Variants in BABAM2 observed in about 807,000 individuals in gnomAD.
BABAM2 encodes the protein BRISC and BRCA1-A complex member 2.
A neutral mutation model predicts 54.7 loss-of-function variants in BABAM2; 31 were observed. The ratio of observed to expected loss-of-function variants is 0.57; its 90% confidence interval spans 0.43 to 0.77. BABAM2 has a LOEUF of 0.77. Ranked by LOEUF, BABAM2 falls within the 30% of genes least tolerant of loss-of-function variation. The pLI is 0.00. For synonymous variants in BABAM2, 167 were observed against 162.9 expected, an observed-to-expected ratio of 1.03 and a Z score of -0.19; for missense variants, 364 against 455.8, an observed-to-expected ratio of 0.80 and a Z score of 1.83.
rs569030290 is a variant in BABAM2 at position 28,138,005 on chromosome 2, G to T, written c.680+8625G>T. Among the ~76,000 whole-genome samples the T allele has an allele frequency of 1.8e-4, 28 of 152,026 alleles. No individual in the cohort carries two copies. In the East Asian group the frequency reaches 5.2e-3, roughly 28 times the overall value. ...AGGGTTTTGTGCAGATTTTTTTTCTGCCGTGAAGATGAGAAATTCATGATT... is the reference window on the plus strand; with the variant it reads ...AGGGTTTTGTGCAGATTTTTTTTCTTCCGTGAAGATGAGAAATTCATGATT... On this transcript the variant is annotated intron_variant, in intron 7 of 11. Transcript: ENST00000379624.
intron 7 of BABAM2, among the ~76,000 whole-genome samples, chr2:28,153,047 C>T (rs1284711087): frequency 1.3e-5 from 2 of 152,154 alleles, no homozygotes; most frequent in African/African-American, 4.8e-5. Flanking sequence ...ATCACTTGAG[C>T]AGTTTTATGT....
chr2:28,078,328 T>C lies in BABAM2; in HGVS notation c.570+32529T>C, dbSNP rs147774118. On this transcript the variant is annotated intron_variant, in intron 6 of 11. Transcript: ENST00000379624. ...AATGCTTGAATTAAGTTGACCCTTA[T>C]TTTACTTAATTATGGCCCCAAAGTG... Among the ~76,000 whole-genome samples, 384 of 129,056 alleles carry C rather than the reference T, an allele frequency of 3.0e-3. 4 individuals carry two copies. Among genetic ancestry groups the C allele is most frequent in the African/African-American group, 9.9e-3 (371 of 37,454 alleles). 84.7% of individuals were successfully genotyped at this position (129,056 alleles called of 152,430 possible). A position where few individuals can be genotyped will look rare whatever the true frequency, so the allele number is the denominator to read the frequency against.
intron 7 of BABAM2, among the ~76,000 whole-genome samples, chr2:28,201,993 C>T (rs188397149): frequency 5.5e-4 from 83 of 152,188 alleles, no homozygotes; most frequent in Admixed American, 5.3e-3. Flanking sequence ...CCCAGTTGGC[C>T]AGGGGAACAA....
At chr2:28,053,247 AT>A (rs993392651) in intron 6 of BABAM2, among the ~76,000 whole-genome samples, 1 of 152,174 alleles carries the variant, frequency 6.6e-6, no homozygotes, top group African/African-American at 2.4e-5. Context: ...AGTTCAGGGA[AT>A]TTTTTTGAAA....
rs914301426 is a variant in BABAM2 at position 27,939,829 on chromosome 2, A to C, written c.205+9921A>C. On this transcript the variant is annotated intron_variant, in intron 3 of 11. Transcript: ENST00000379624. ...ACTGCAGTTAATGAGAATGAGAATG[A>C]GAGATGAGAGAGGGCGTATTTCTAC... 2.6e-5 allele frequency among the ~76,000 whole-genome samples: 4 copies of C among 152,230 alleles called. No individual in the cohort carries two copies. In the South Asian group the frequency reaches 8.3e-4, roughly 31 times the overall value.
intron 7 of BABAM2, among the ~76,000 whole-genome samples, chr2:28,132,539 A>G (rs537437947): frequency 6.9e-4 from 105 of 152,256 alleles, no homozygotes; most frequent in African/African-American, 2.5e-3. Context: ...AGACCTGAGC[A>G]CTTGAAGTTT....
intron 4 of BABAM2, among the ~76,000 whole-genome samples, chr2:27,997,438 T>G (rs1390519205): frequency 1.3e-5 from 2 of 152,228 alleles, no homozygotes; most frequent in Non-Finnish European, 2.9e-5. Flanking sequence ...AAAGTTGATG[T>G]TATTTTTTAA....
chr2:28,275,452 G>T (rs1685797680), intron 10 of BABAM2, among the ~76,000 whole-genome samples: 1 of 152,174 alleles, frequency 6.6e-6, no homozygotes, highest in South Asian at 2.1e-4. Flanking sequence ...GCCTAACTGG[G>T]ATAGGCCTGG....
chr2:28,171,114 T>TAG (rs763833594), intron 7 of BABAM2, among the ~76,000 whole-genome samples: 2 of 150,292 alleles, frequency 1.3e-5, no homozygotes, highest in Admixed American at 6.6e-5. Context: ...CTTTTTAAAA[T>TAG]ATATATATAT....
At chr2:28,328,263 T>TA (rs1690653203) in intron 11 of BABAM2, among the ~76,000 whole-genome samples, 1 of 152,208 alleles carries the variant, frequency 6.6e-6, no homozygotes, top group East Asian at 1.9e-4. Flanking sequence ...GGACTTGTCT[T>TA]ACACTATTTA....
intron 7 of BABAM2, among the ~76,000 whole-genome samples, chr2:28,143,320 T>C (rs1671224683): frequency 6.6e-6 from 1 of 151,820 alleles, no homozygotes; most frequent in Admixed American, 6.6e-5. Flanking sequence ...AAACAGAGAG[T>C]ACAACAGTGG....
chr2:28,310,072 T>G (rs1435858727), intron 11 of BABAM2: 2 of 1,614,122 alleles, frequency 1.2e-6, no homozygotes, highest in South Asian at 2.2e-5. Flanking sequence ...TGGTTTGTTT[T>G]TCCTTACAGA....
chr2:28,260,046 A>G (rs558638637), intron 10 of BABAM2, among the ~76,000 whole-genome samples: 2 of 151,954 alleles, frequency 1.3e-5, no homozygotes, highest in African/African-American at 4.8e-5. Flanking sequence ...GATTACAGGC[A>G]CATGCCACCA....
intron 6 of BABAM2, among the ~76,000 whole-genome samples, chr2:28,123,055 C>T (rs1669212126): frequency 6.6e-6 from 1 of 152,162 alleles, no homozygotes; most frequent in African/African-American, 2.4e-5. Flanking sequence ...AAATATTTCT[C>T]TGTTTAGAAA....
chr2:27,893,806 C>T (rs1408746515), intron 1 of BABAM2, among the ~76,000 whole-genome samples: 1 of 151,850 alleles, frequency 6.6e-6, no homozygotes, highest in Non-Finnish European at 1.5e-5. Flanking sequence ...CCATCCTGGC[C>T]AACCTGATGA....
chr2:27,950,044 C>T (rs770714375), intron 3 of BABAM2, among the ~76,000 whole-genome samples: 3 of 152,160 alleles, frequency 2.0e-5, no homozygotes, highest in Non-Finnish European at 4.4e-5. Context: ...TTCCAGTTGG[C>T]CCTGAAGTTC....
intron 11 of BABAM2, among the ~76,000 whole-genome samples, chr2:28,320,960 A>G (rs2148308158): frequency 6.6e-6 from 1 of 152,386 alleles, no homozygotes; most frequent in South Asian, 2.1e-4. Flanking sequence ...AAACTATAAA[A>G]TAAGAAGTAT....
At chr2:28,081,532 G>A (rs532471174) in intron 6 of BABAM2, among the ~76,000 whole-genome samples, 2 of 152,282 alleles carry the variant, frequency 1.3e-5, no homozygotes, top group Admixed American at 6.5e-5. Context: ...AGATGAATGC[G>A]TGGGAATTGT....
At chr2:28,161,591 G>A (rs1378542598) in intron 7 of BABAM2, among the ~76,000 whole-genome samples, 1 of 152,046 alleles carries the variant, frequency 6.6e-6, no homozygotes, top group African/African-American at 2.4e-5. Flanking sequence ...TTCAAGCAAG[G>A]GTTAGCCAGA....
Sources: allele counts gnomAD v4.1 joint callset (sites outside exome capture counted in the v4.1 genomes callset), GRCh38; gene constraint gnomAD v4.1.1; transcripts MANE v1.5; gene names NCBI Gene and HGNC (gene_info 2026-07-23, HGNC 2026-07-21).